BID: variants seen among roughly 807,000 people sequenced by gnomAD.
BID encodes the protein BH3-interacting domain death agonist.
In BID, 19 loss-of-function variants were observed where a neutral mutation model predicts 17.4. The observed-to-expected ratio is 1.09, with a 90% CI of 0.76 to 1.60. The LOEUF is 1.60. BID is among the 40% of genes most tolerant of loss of function. The probability of loss-of-function intolerance (pLI) is 0.00; values close to 1 mark genes in which losing one functional copy is unlikely to be tolerated. For synonymous variants in BID, 108 were observed against 102.8 expected (o/e 1.05, Z -0.31); for missense variants, 226 against 256.0 (o/e 0.88, Z 0.80).
At chr22:17,755,957 T>C (rs2061579764) in intron 1 of BID, among the ~76,000 whole-genome samples, 1 of 152,070 alleles carries the variant, frequency 6.6e-6, no homozygotes, top group African/African-American at 2.4e-5. Flanking sequence ...AACCTCTGCC[T>C]TCTGGGTTCA....
Position 17,735,334 on chromosome 22 carries a change from T to C in BID, c.*246A>G. 1.9e-6 allele frequency: 1 copy of C among 524,952 alleles called. No homozygotes were observed. Among genetic ancestry groups the C allele is most frequent in the Non-Finnish European group, 3.4e-6 (1 of 295,980 alleles). 32.5% of individuals were successfully genotyped at this position (524,952 alleles called of 1,614,324 possible). On this transcript the variant is annotated 3_prime_UTR_variant, in exon 6 of 6. Coordinates refer to ENST00000622694, the MANE Select transcript of BID (RefSeq NM_001196.4). ...GTAGATTTACAGATGTGCAGATTCA[T>C]GTGTGGATGATATGAAGGCCATTCA...
rs146895750 is a variant in BID at position 17,735,202 on chromosome 22, A to T, written c.*378T>A. 5.1e-4 allele frequency: 112 copies of T among 219,334 alleles called. No homozygotes were observed. The highest frequency in any genetic ancestry group is 2.5e-3 in the African/African-American group (108 of 42,810). 13.6% of individuals were successfully genotyped at this position (219,334 alleles called of 1,614,324 possible). A position where few individuals can be genotyped will look rare whatever the true frequency, so the allele number is the denominator to read the frequency against. On this transcript the variant is annotated 3_prime_UTR_variant, in exon 6 of 6. Coordinates refer to ENST00000622694, the MANE Select transcript of BID (RefSeq NM_001196.4). ...TATGGTTGTACTTTAATAAACAGTA[A>T]TTTTTTTTTACCAAAAAAATTGTAT...
At chr22:17,736,714 TCAAG>T (rs964953650) in intron 5 of BID, among the ~76,000 whole-genome samples, 6 of 151,900 alleles carry the variant, frequency 3.9e-5, no homozygotes, top group African/African-American at 1.5e-4. Flanking sequence ...ACTCCTGGGC[TCAAG>T]CAAAGAGATC....
chr22:17,749,818 G>A (rs1182650463), intron 2 of BID, among the ~76,000 whole-genome samples: 2 of 152,206 alleles, frequency 1.3e-5, no homozygotes, highest in Admixed American at 6.5e-5. Context: ...GCTGTTAAAT[G>A]GTCTTAAACC....
intron 1 of BID, among the ~76,000 whole-genome samples, chr22:17,765,049 TGAGGGGTGGGGGTA>T (rs2061668403): frequency 6.6e-6 from 1 of 151,970 alleles, no homozygotes; most frequent in Non-Finnish European, 1.5e-5. Flanking sequence ...GCAGATCTGA[TGAGGGGTGGGGGTA>T]GAGAATTTGC....
rs1171859983 is a variant in BID at position 17,774,401 on chromosome 22, G to T, written c.-79C>A. The T allele has an allele frequency of 4.1e-6, 1 of 246,200 alleles. No homozygotes were observed. The highest frequency in any genetic ancestry group is 3.6e-5 in the South Asian group (1 of 27,878). 15.3% of individuals were successfully genotyped at this position (246,200 alleles called of 1,614,324 possible). On this transcript the variant is annotated 5_prime_UTR_variant, in exon 1 of 6. Transcript: ENST00000622694. ...CTCACCACCCTCCAGCCGCGGGGGC[G>T]CGGGCGCGTCCGGGCCGAGGCAGCG... is the stretch of plus-strand genomic sequence containing the variant.
intron 4 of BID, 106 bp from the exon 5 acceptor site, chr22:17,738,335 A>C: frequency 1.9e-6 from 2 of 1,061,880 alleles, no homozygotes; most frequent in South Asian, 1.5e-5. Context: ...TTAAGTATCC[A>C]GGGCTGCTGG....
intron 1 of BID, among the ~76,000 whole-genome samples, chr22:17,753,644 C>A (rs919281369): frequency 6.6e-6 from 1 of 152,256 alleles, no homozygotes; most frequent in African/African-American, 2.4e-5. Context: ...GAGGCTCCCC[C>A]GTCAATAGCG....
intron 1 of BID, among the ~76,000 whole-genome samples, chr22:17,753,187 T>C (rs565792238): frequency 3.6e-5 from 5 of 138,956 alleles, no homozygotes; most frequent in East Asian, 2.2e-4. Context: ...AGGATGGTCT[T>C]GATCTCCTGA....
At chr22:17,738,261 C>G (rs1227021113) in intron 4 of BID, 32 bp from the exon 5 acceptor site, 7 of 1,585,360 alleles carry the variant, frequency 4.4e-6, no homozygotes, top group Non-Finnish European at 6.0e-6. Context: ...ACCTGGTTTA[C>G]TAATACTCTT....
chr22:17,739,574 G>T, intron 3 of BID, 86 bp from the exon 4 acceptor site: 7 of 1,518,114 alleles, frequency 4.6e-6, no homozygotes, highest in Non-Finnish European at 6.2e-6. Context: ...CCCCGGGAAA[G>T]GACAGGTCCG....
chr22:17,745,891 G>A (rs979740071), intron 2 of BID, among the ~76,000 whole-genome samples: 3 of 151,984 alleles, frequency 2.0e-5, no homozygotes, highest in East Asian at 1.9e-4. Flanking sequence ...GCTTGAACCC[G>A]GGAGGTGGAG....
chr22:17,737,153 TTGC>T (rs918171363), intron 5 of BID, among the ~76,000 whole-genome samples: 12 of 151,880 alleles, frequency 7.9e-5, no homozygotes, highest in Non-Finnish European at 1.8e-4. Flanking sequence ...TCTCGCCATG[TTGC>T]TCAGTTTTGT....
At chr22:17,758,423 CT>C (rs1174293789) in intron 1 of BID, among the ~76,000 whole-genome samples, 1 of 152,222 alleles carries the variant, frequency 6.6e-6, no homozygotes, top group African/African-American at 2.4e-5. Context: ...AAACCTAGAA[CT>C]ACCATTTGAC....
At chr22:17,752,729 G>C (rs1179456430) in intron 1 of BID, among the ~76,000 whole-genome samples, 1 of 150,708 alleles carries the variant, frequency 6.6e-6, no homozygotes, top group Admixed American at 6.6e-5. Context: ...GCAGTGGCAT[G>C]ATCTTGGCTC....
Position 17,756,494 on chromosome 22 carries a change from T to TTC in BID, c.-58-6322_-58-6321dup, listed in dbSNP as rs745466202. Among the ~76,000 whole-genome samples the TTC allele has an allele frequency of 1.7e-3, 233 of 136,736 alleles. 1 individual carries two copies. Among genetic ancestry groups the TTC allele is most frequent in the African/African-American group, 6.3e-3 (220 of 35,036 alleles). 89.7% of individuals were successfully genotyped at this position (136,736 alleles called of 152,430 possible). On this transcript the variant is annotated intron_variant, in intron 1 of 5. Coordinates refer to ENST00000622694, the MANE Select transcript of BID (RefSeq NM_001196.4). ...TTCTTTCTTTTCTTTCTTTCTTTCT[T>TTC]TCTCTCTCTCTTTCTGTCTGTCTCT...
At chr22:17,770,527 G>A (rs1276185443) in intron 1 of BID, among the ~76,000 whole-genome samples, 1 of 152,242 alleles carries the variant, frequency 6.6e-6, no homozygotes, top group Non-Finnish European at 1.5e-5. Context: ...TTCACAGAAT[G>A]AATGTGAGGA....
At chr22:17,756,420 CTT>C (rs1569047537) in intron 1 of BID, among the ~76,000 whole-genome samples, 9,042 of 129,854 alleles carry the variant, frequency 0.07, 370 homozygotes, top group African/African-American at 0.1. Context: ...CTCTTTCTTT[CTT>C]TCTTTCTTTC....
At chr22:17,746,505 T>C (rs1018782805) in intron 2 of BID, among the ~76,000 whole-genome samples, 4 of 152,232 alleles carry the variant, frequency 2.6e-5, no homozygotes, top group Admixed American at 6.5e-5. Flanking sequence ...AAACAGGATG[T>C]GCTTCATTCC....
Sources: allele counts gnomAD v4.1 joint callset (sites outside exome capture counted in the v4.1 genomes callset), GRCh38; gene constraint gnomAD v4.1.1; transcripts MANE v1.5; gene names NCBI Gene and HGNC (gene_info 2026-07-23, HGNC 2026-07-21).